The following SPATA7 variants were observed in gnomAD, a reference collection of about 807,000 sequenced individuals.
The protein encoded by SPATA7 is spermatogenesis associated 7.
SPATA7 carries 43 observed loss-of-function variants against 51.8 expected under a neutral mutation model. That is an observed-to-expected ratio of 0.83 (90% CI 0.65 to 1.07). The LOEUF (loss-of-function observed/expected upper bound fraction) is 1.07, where lower values mean the gene tolerates loss of function less well. Ranked by LOEUF, SPATA7 falls within the 50% of genes least tolerant of loss-of-function variation. SPATA7 has a pLI of 0.00. For synonymous variants in SPATA7, 230 were observed against 252.8 expected (o/e 0.91, Z 0.86); for missense variants, 683 against 701.3 (o/e 0.97, Z 0.30).
At chr14:88,427,884 T>G (rs2076840365) in intron 7 of SPATA7, 188 bp downstream of exon 7, 1 of 507,376 alleles carries the variant, frequency 2.0e-6, no homozygotes. Flanking sequence ...AATGGCCAGG[T>G]GGATCCTGCC....
At chr14:88,425,956 A>G (rs184510428) in intron 5 of SPATA7, among the ~76,000 whole-genome samples, 3 of 152,336 alleles carry the variant, frequency 2.0e-5, no homozygotes, top group East Asian at 1.9e-4. Flanking sequence ...AAATCTTAAT[A>G]TGCAAGTTGA....
At chr14:88,396,620 C>A (rs2139885275) in intron 4 of SPATA7, among the ~76,000 whole-genome samples, 1 of 152,280 alleles carries the variant, frequency 6.6e-6, no homozygotes, top group Middle Eastern at 3.4e-3. Context: ...TTTTTAAAGG[C>A]TGAATAAAAT....
chr14:88,438,602 T>G, downstream of SPATA7: 1 of 659,948 alleles, frequency 1.5e-6, no homozygotes, highest in East Asian at 2.7e-5. Context: ...GGATCAGGAG[T>G]GTAGGCACAG....
intron 3 of SPATA7, among the ~76,000 whole-genome samples, chr14:88,452,218 A>T (rs891509005): frequency 3.9e-5 from 6 of 152,168 alleles, no homozygotes; most frequent in Non-Finnish European, 1.5e-5. Context: ...CAGCAGGGCT[A>T]CCAAGCTCTG....
rs139404133 is a variant in SPATA7, at chr14:88,426,673, C to T, written c.814C>T (p.Arg272Trp). The change falls in exon 6 of 12, where the codon CGG (arginine) becomes TGG (tryptophan). Residue 272 changes from arginine (R) to tryptophan (W), a missense_variant. Arg to Trp is a moderately radical substitution (Grantham distance 101). Transcript: ENST00000393545. ...AKRKKDFTDQ[R>W]IEAETQTELS... The stretch of plus-strand genomic sequence containing the variant: ...AAGAAAAAAGGATTTTACAGATCAA[C>T]GGATAGAAGCTGAAACCCAGACTGA... The T allele has an allele frequency of 7.9e-5, 128 of 1,613,290 alleles. No homozygotes were observed. The highest frequency in any genetic ancestry group is 7.1e-4 in the South Asian group (65 of 91,066).
chr14:88,440,810 G>A (rs2140035242), downstream of SPATA7, among the ~76,000 whole-genome samples: 1 of 152,112 alleles, frequency 6.6e-6, no homozygotes, highest in South Asian at 2.1e-4. Context: ...ACAGGCTGCT[G>A]CTACTTTTTT....
intron 10 of SPATA7, among the ~76,000 whole-genome samples, chr14:88,436,296 G>A (rs1227193696): frequency 1.3e-5 from 2 of 152,076 alleles, no homozygotes; most frequent in African/African-American, 2.4e-5. Flanking sequence ...GTAAATAGTT[G>A]TTTGAGCTCC....
At chr14:88,395,518 T>TA (rs1423393458) in intron 3 of SPATA7, among the ~76,000 whole-genome samples, 1 of 152,118 alleles carries the variant, frequency 6.6e-6, no homozygotes, top group Non-Finnish European at 1.5e-5. Flanking sequence ...TATGTTTTCT[T>TA]CTAGAAGTTT....
chr14:88,443,741 T>G (rs558828143), intron 3 of SPATA7, among the ~76,000 whole-genome samples: 1 of 152,238 alleles, frequency 6.6e-6, no homozygotes, highest in Non-Finnish European at 1.5e-5. Flanking sequence ...GTGTTTGGTT[T>G]TCTGTCCTTG....
At chr14:88,391,063 TCC>T (rs780530773) in intron 1 of SPATA7, among the ~76,000 whole-genome samples, 13 of 152,204 alleles carry the variant, frequency 8.5e-5, no homozygotes, top group African/African-American at 3.1e-4. Flanking sequence ...TATTTAGTCA[TCC>T]ATATATCTTC....
At chr14:88,416,568 C>T (rs145863932) in intron 4 of SPATA7, 143 bp from the exon 5 acceptor site, 40 of 765,208 alleles carry the variant, frequency 5.2e-5, no homozygotes, top group Non-Finnish European at 6.4e-6. Context: ...GTTAGTAACT[C>T]TTTATATAGG....
rs764325739 is a variant in SPATA7, at chr14:88,437,930, G to A, written c.1308G>A (p.Leu436=). Residue 436 remains leucine (L), a synonymous_variant, in exon 12 of 12, where the codon TTG becomes TTA. Transcript: ENST00000393545. The part of the protein sequence containing the change: ...NSVKQNDVDM[L]NVFDFEKAGN... Reference sequence around the variant, plus strand: ...TAAAGCAAAATGATGTTGATATGTTGAATGTATTTGATTTTGAAAAGGCTG... The same window carrying A: ...TAAAGCAAAATGATGTTGATATGTTAAATGTATTTGATTTTGAAAAGGCTG... The A allele has an allele frequency of 1.1e-5, 17 of 1,613,756 alleles. No homozygotes were observed. Among genetic ancestry groups the A allele is most frequent in the Non-Finnish European group, 1.1e-5 (13 of 1,179,896 alleles).
chr14:88,451,561 C>G (rs1443408476), intron 3 of SPATA7, among the ~76,000 whole-genome samples: 1 of 148,610 alleles, frequency 6.7e-6, no homozygotes, highest in Non-Finnish European at 1.5e-5. Flanking sequence ...GAGTCTTGCT[C>G]TGTCACCCAG....
chr14:88,403,156 AAGAC>A (rs1479359103), intron 4 of SPATA7, among the ~76,000 whole-genome samples: 2 of 152,166 alleles, frequency 1.3e-5, no homozygotes, highest in Non-Finnish European at 2.9e-5. Context: ...GGCTATCAAA[AAGAC>A]AACATGTAAC....
intron 1 of SPATA7, among the ~76,000 whole-genome samples, chr14:88,388,881 A>G (rs2075658294): frequency 6.6e-6 from 1 of 152,236 alleles, no homozygotes; most frequent in South Asian, 2.1e-4. Context: ...GTGATTGTGC[A>G]CTTGCCCAAA....
At chr14:88,450,665 G>C (rs1352186254) in intron 3 of SPATA7, among the ~76,000 whole-genome samples, 10 of 152,268 alleles carry the variant, frequency 6.6e-5, no homozygotes, top group Admixed American at 3.9e-4. Context: ...TGAGAAATCT[G>C]CTATTAATCT....
chr14:88,459,612 G>T (rs2077304518), downstream of SPATA7, among the ~76,000 whole-genome samples: 1 of 152,100 alleles, frequency 6.6e-6, no homozygotes, highest in East Asian at 1.9e-4. Flanking sequence ...GTGAGTCTCT[G>T]CATGTGAGAT....
intron 4 of SPATA7, among the ~76,000 whole-genome samples, chr14:88,461,802 C>T (rs6575008): frequency 0.1 from 15,729 of 152,192 alleles, 1,036 homozygotes; most frequent in African/African-American, 0.18. Flanking sequence ...GCGTCACTCG[C>T]GCTGGGAGCT....
chr14:88,411,734 A>G (rs2076347248), intron 4 of SPATA7, among the ~76,000 whole-genome samples: 1 of 151,550 alleles, frequency 6.6e-6, no homozygotes, highest in African/African-American at 2.4e-5. Flanking sequence ...TATGTACCAC[A>G]TTTTCTTTAT....
Sources: gnomAD v4.1 joint callset for allele counts (sites outside exome capture counted in the v4.1 genomes callset) on GRCh38, gnomAD v4.1.1 for gene constraint, MANE v1.5 for transcripts, NCBI Gene and HGNC (gene_info 2026-07-23, HGNC 2026-07-21) for gene names.